The following CACHD1 variants were observed in gnomAD, a reference collection of about 807,000 sequenced individuals.
CACHD1 encodes VWFA and cache domain-containing protein 1.
A neutral mutation model predicts 138.7 loss-of-function variants in CACHD1; 71 were observed. The ratio of observed to expected loss-of-function variants is 0.51; its 90% confidence interval spans 0.42 to 0.62. CACHD1 has a LOEUF of 0.62. CACHD1 is among the 20% of genes least tolerant of loss of function. The pLI is 0.00. For missense variants in CACHD1, 1,389 were observed against 1,625.3 expected, an observed-to-expected ratio of 0.85 and a Z score of 2.50; for synonymous variants, 578 against 591.5, an observed-to-expected ratio of 0.98 and a Z score of 0.33.
intron 1 of CACHD1, among the ~76,000 whole-genome samples, chr1:64,498,728 C>T (rs996676589): frequency 6.6e-6 from 1 of 152,206 alleles, no homozygotes; most frequent in Non-Finnish European, 1.5e-5. Flanking sequence ...ATTCTGATCT[C>T]TTGTCTCTCT....
chr1:64,677,802 T>G (rs1434932619), intron 22 of CACHD1, among the ~76,000 whole-genome samples: 1 of 152,142 alleles, frequency 6.6e-6, no homozygotes, highest in Admixed American at 6.5e-5. Flanking sequence ...TTTTTTTATT[T>G]TTTTAAATGA....
chr1:64,618,609 A>G (rs746358713), intron 4 of CACHD1, among the ~76,000 whole-genome samples: 1 of 152,220 alleles, frequency 6.6e-6, no homozygotes, highest in Non-Finnish European at 1.5e-5. Flanking sequence ...AGTATATGGC[A>G]AAACAATACT....
intron 4 of CACHD1, among the ~76,000 whole-genome samples, chr1:64,621,921 C>G (rs1193730264): frequency 1.3e-5 from 2 of 152,078 alleles, no homozygotes; most frequent in Non-Finnish European, 2.9e-5. Context: ...TAGAAAGAAG[C>G]CTTTGGATGC....
At chr1:64,495,077 G>A (rs985057401) in intron 1 of CACHD1, among the ~76,000 whole-genome samples, 4 of 151,978 alleles carry the variant, frequency 2.6e-5, no homozygotes, top group South Asian at 2.1e-4. Flanking sequence ...GTTACAGTTC[G>A]GTCAACAGGA....
intron 3 of CACHD1, among the ~76,000 whole-genome samples, chr1:64,597,524 GTTTTTTTTTTTTTT>G (rs34162933): frequency 1.2e-5 from 1 of 80,400 alleles, no homozygotes; most frequent in South Asian, 5.2e-4. Flanking sequence ...TTTTTTTGTT[GTTTTTTTTTTTTTT>G]TTTTTTTTTT....
At chr1:64,514,396 A>G (rs183336630) in intron 1 of CACHD1, among the ~76,000 whole-genome samples, 1 of 152,348 alleles carries the variant, frequency 6.6e-6, no homozygotes, top group African/African-American at 2.4e-5. Flanking sequence ...AGGTGTCCAT[A>G]TGGCTATCTA....
intron 1 of CACHD1, among the ~76,000 whole-genome samples, chr1:64,504,893 C>T (rs188564177): frequency 3.3e-5 from 5 of 152,114 alleles, no homozygotes; most frequent in South Asian, 2.1e-4. Flanking sequence ...GAAGACGGTG[C>T]GAGGATGTAC....
At chr1:64,634,662 A>C (rs1648445843) in intron 7 of CACHD1, among the ~76,000 whole-genome samples, 1 of 152,112 alleles carries the variant, frequency 6.6e-6, no homozygotes, top group Non-Finnish European at 1.5e-5. Flanking sequence ...TGGAATTACA[A>C]GCATGAGTCA....
chr1:64,666,033 A>G (rs1570465807), intron 15 of CACHD1, 24 bp from the exon 16 acceptor site: 3 of 1,319,780 alleles, frequency 2.3e-6, no homozygotes, highest in Non-Finnish European at 3.2e-6. Flanking sequence ...ATAAAATAAC[A>G]TGACTTTCTT....
chr1:64,528,662 G>A (rs12071747), intron 1 of CACHD1, among the ~76,000 whole-genome samples: 3,729 of 152,060 alleles, frequency 0.025, 68 homozygotes, highest in African/African-American at 0.035. Context: ...AAGTGCTTTT[G>A]TTTGAAAGAA....
chr1:64,675,615 C>G, intron 20 of CACHD1, 54 bp downstream of exon 20: 1 of 1,545,774 alleles, frequency 6.5e-7, no homozygotes, highest in Middle Eastern at 1.7e-4. Flanking sequence ...AATATTTCAA[C>G]TGATGTCAGG....
chr1:64,632,862 A>G, intron 6 of CACHD1, 119 bp downstream of exon 6: 1 of 1,175,712 alleles, frequency 8.5e-7, no homozygotes, highest in South Asian at 1.4e-5. Context: ...TTACATCCTG[A>G]TAAATCCATC....
chr1:64,632,777 G>A, intron 6 of CACHD1, 34 bp downstream of exon 6: 3 of 1,612,084 alleles, frequency 1.9e-6, no homozygotes, highest in Non-Finnish European at 2.5e-6. Flanking sequence ...TATGGCATCA[G>A]GTTCTCCTTG....
Position 64,543,402 on chromosome 1 carries a change from C to CATATGT in CACHD1, c.199-7188_199-7187insGTATAT, listed in dbSNP as rs1553131375. 1.3e-3 allele frequency among the ~76,000 whole-genome samples: 162 copies of CATATGT among 126,872 alleles called. 3 individuals carry two copies. Among genetic ancestry groups the CATATGT allele is most frequent in the Non-Finnish European group, 2.2e-3 (137 of 63,024 alleles). The allele number at this position is 126,872 out of a possible 152,430, so 83.2% of individuals were successfully genotyped here. A position where few individuals can be genotyped will look rare whatever the true frequency, so the allele number is the denominator to read the frequency against. ...GAGATCCTATCTCTAAAAAAAAATA[C>CATATGT]ATATATATATATATATATATATATT... On this transcript the variant is annotated intron_variant, in intron 1 of 26. Transcript: ENST00000651257.
chr1:64,580,108 G>A (rs1238758268), intron 2 of CACHD1, among the ~76,000 whole-genome samples: 15 of 152,222 alleles, frequency 9.9e-5, no homozygotes, highest in Admixed American at 7.2e-4. Context: ...ACGTTAACAC[G>A]TTTGATAATG....
In CACHD1 at chr1:64,577,538, T is replaced by C. The variant is rs567685379; in HGVS notation, c.262-4618T>C. Among the ~76,000 whole-genome samples the C allele has an allele frequency of 5.3e-5, 8 of 152,266 alleles. No homozygotes were observed. The South Asian group carries it at 1.7e-3, about 32-fold the overall frequency. ...GGGCTCTGAAGTCAGAATATGGGTT[T>C]GAATCCCAGCCCTACCACTTACTAG... On this transcript the variant is annotated intron_variant, in intron 2 of 26. Coordinates refer to ENST00000651257, the MANE Select transcript of CACHD1 (RefSeq NM_020925.4).
chr1:64,686,908 G>A (rs1441414861), intron 26 of CACHD1, among the ~76,000 whole-genome samples: 1 of 152,172 alleles, frequency 6.6e-6, no homozygotes, highest in Non-Finnish European at 1.5e-5. Context: ...TTCTCCTGCA[G>A]TTACTCTCTG....
At chr1:64,656,674 G>A (rs1055868888) in intron 12 of CACHD1, among the ~76,000 whole-genome samples, 1 of 152,044 alleles carries the variant, frequency 6.6e-6, no homozygotes, top group Non-Finnish European at 1.5e-5. Context: ...CAAATTCGAG[G>A]TAGTAATCAG....
At chr1:64,668,009 A>G (rs945026785) in intron 16 of CACHD1, among the ~76,000 whole-genome samples, 4 of 152,204 alleles carry the variant, frequency 2.6e-5, no homozygotes, top group Admixed American at 6.5e-5. Context: ...TCACAATGGA[A>G]ATATGATGGA....
Sources: gnomAD v4.1 joint callset for allele counts (sites outside exome capture counted in the v4.1 genomes callset) on GRCh38, gnomAD v4.1.1 for gene constraint, MANE v1.5 for transcripts, NCBI Gene and HGNC (gene_info 2026-07-23, HGNC 2026-07-21) for gene names.